CAPN9: variants seen among roughly 807,000 people sequenced by gnomAD.
CAPN9 encodes calpain 9.
A neutral mutation model predicts 92.8 loss-of-function variants in CAPN9; 81 were observed. The ratio of observed to expected loss-of-function variants is 0.87; its 90% CI spans 0.73 to 1.05. The LOEUF is 1.05. Ranked by LOEUF, CAPN9 falls within the 50% of genes least tolerant of loss-of-function variation. CAPN9 has a pLI of 0.00. For missense variants in CAPN9, 848 were observed against 866.2 expected, an observed-to-expected ratio of 0.98 and a Z score of 0.26; for synonymous variants, 304 against 328.0, an observed-to-expected ratio of 0.93 and a Z score of 0.79.
intron 12 of CAPN9, among the ~76,000 whole-genome samples, chr1:230,787,215 G>A (rs1212770767): frequency 6.6e-6 from 1 of 152,216 alleles, no homozygotes; most frequent in Non-Finnish European, 1.5e-5. Context: ...TAAGCCAGAG[G>A]AAGGGCAGGA....
chr1:230,792,744 G>A (rs1350963480), intron 16 of CAPN9, 106 bp from the exon 17 acceptor site: 39 of 942,648 alleles, frequency 4.1e-5, no homozygotes, highest in Non-Finnish European at 5.4e-5. Context: ...TGGCCTCTGC[G>A]GCCCCTAGAG....
At chr1:230,795,525 T>C in intron 18 of CAPN9, 1 of 431,912 alleles carries the variant, frequency 2.3e-6, no homozygotes. Flanking sequence ...GGGAGGATGA[T>C]GGGCTGGGGC....
chr1:230,781,980 G>A (rs961529038), intron 11 of CAPN9, among the ~76,000 whole-genome samples: 1 of 152,154 alleles, frequency 6.6e-6, no homozygotes, highest in Non-Finnish European at 1.5e-5. Flanking sequence ...CCAGATACTA[G>A]TACAAGATGG....
At chr1:230,774,708 C>A in intron 8 of CAPN9, 77 bp downstream of exon 8, 2 of 858,376 alleles carry the variant, frequency 2.3e-6, no homozygotes, top group Non-Finnish European at 3.9e-6. Context: ...CACTGTGCTT[C>A]TCTCTCGCTT....
intron 11 of CAPN9, among the ~76,000 whole-genome samples, 185 bp downstream of exon 11, chr1:230,780,893 T>G (rs2102898821): frequency 6.6e-6 from 1 of 152,092 alleles, no homozygotes; most frequent in Admixed American, 6.6e-5. Flanking sequence ...GAAATGAAGT[T>G]TCACTCTTGT....
At chr1:230,801,137 G>T (rs1668702562) in intron 19 of CAPN9, among the ~76,000 whole-genome samples, 1 of 152,134 alleles carries the variant, frequency 6.6e-6, no homozygotes, top group Non-Finnish European at 1.5e-5. Context: ...CAGCTCACTT[G>T]TAACACCCCC....
At chr1:230,786,747 A>C (rs571629058) in intron 12 of CAPN9, among the ~76,000 whole-genome samples, 1 of 144,946 alleles carries the variant, frequency 6.9e-6, no homozygotes. Flanking sequence ...CCGCTTCTGA[A>C]GTGGGTAGAC....
At chr1:230,785,847 T>C in intron 11 of CAPN9, 134 bp from the exon 12 acceptor site, 2 of 839,580 alleles carry the variant, frequency 2.4e-6, no homozygotes, top group Admixed American at 1.9e-5. Context: ...GCAAACTCTG[T>C]GAAATGTAAA....
At position 230,755,345 on chromosome 1, in the gene CAPN9, G is replaced by A. The variant is rs1036980605; in HGVS notation, c.222G>A (p.Val74=). 1.2e-6 allele frequency: 2 copies of A among 1,609,870 alleles called. No homozygotes were observed. Among genetic ancestry groups the A allele is most frequent in the Admixed American group, 1.7e-5 (1 of 59,460 alleles). The change falls in exon 2 of 20, where the codon GTG becomes GTA. Residue 74 remains valine (V), a synonymous_variant. Transcript: ENST00000271971. ...PFVWKRPGEI[V]KNPEFILGGA... ...CACTCTCATTCCTCCAGGAAATCGT[G>A]AAAAACCCAGAATTCATTCTTGGAG... is the stretch of plus-strand genomic sequence containing the variant.
At chr1:230,771,984 T>C in intron 6 of CAPN9, 30 bp from the exon 7 acceptor site, 1 of 1,591,554 alleles carries the variant, frequency 6.3e-7, no homozygotes, top group African/African-American at 1.3e-5. Context: ...ATTTATCATT[T>C]CACACTTCCC....
At position 230,762,094 on chromosome 1, in the gene CAPN9, C is replaced by G. The variant is rs542871241; in HGVS notation, c.403-559C>G. Among the ~76,000 whole-genome samples the G allele has an allele frequency of 3.5e-4, 53 of 152,344 alleles. 2 individuals carry two copies. Among genetic ancestry groups the G allele is most frequent in the African/African-American group, 1.1e-3 (46 of 41,588 alleles). ...ACATGCATTCACACACACCCACACT[C>G]CACTCATGTCTCCTCACTGGCACGC... On this transcript the variant is annotated intron_variant, in intron 3 of 19. Transcript: ENST00000271971.
rs780217323 is a variant in CAPN9 at position 230,767,669 on chromosome 1, A to C, written c.665A>C (p.Lys222Thr). The change falls in exon 5 of 20, where the codon AAG (lysine) becomes ACG (threonine). Residue 222 changes from lysine (K) to threonine (T), a missense_variant. By Grantham distance (78) the Lys-to-Thr change is moderately conservative. Coordinates refer to ENST00000271971, the MANE Select transcript of CAPN9 (RefSeq NM_006615.3). ...APENFYEILE[K>T]ALKRGSLLGC... ...GAGAACTTCTATGAGATTCTAGAGA[A>C]GGCTTTGAAGAGAGGCTCCCTGCTG... The C allele has an allele frequency of 1.9e-6, 3 of 1,613,432 alleles. No homozygotes were observed. The highest frequency in any genetic ancestry group is 2.5e-6 in the Non-Finnish European group (3 of 1,179,856).
Position 230,801,697 on chromosome 1 carries a change from C to G in CAPN9, c.*101C>G. 1 of 1,045,234 alleles carries G rather than the reference C, an allele frequency of 9.6e-7. No homozygotes were observed. The highest frequency in any genetic ancestry group is 1.3e-5 in the South Asian group (1 of 79,548). 64.7% of individuals were successfully genotyped at this position (1,045,234 alleles called of 1,614,324 possible). A position where few individuals can be genotyped will look rare whatever the true frequency, so the allele number is the denominator to read the frequency against. ...GTGGAACCATTACGCCCAGGGTTCACTCCCCTCTCATCGTCCGGCCTTCTC... is the reference window on the plus strand; with the variant it reads ...GTGGAACCATTACGCCCAGGGTTCAGTCCCCTCTCATCGTCCGGCCTTCTC... On this transcript the variant is annotated 3_prime_UTR_variant, in exon 20 of 20. Coordinates refer to ENST00000271971, the MANE Select transcript of CAPN9 (RefSeq NM_006615.3).
chr1:230,762,605 T>C, intron 3 of CAPN9, 48 bp from the exon 4 acceptor site: 2 of 1,600,896 alleles, frequency 1.2e-6, no homozygotes, highest in Non-Finnish European at 8.5e-7. Flanking sequence ...GGCCTGGAGC[T>C]CCCATGTAGC....
chr1:230,799,961 G>A (rs1431376551), intron 19 of CAPN9, among the ~76,000 whole-genome samples: 2 of 151,770 alleles, frequency 1.3e-5, no homozygotes, highest in Non-Finnish European at 1.5e-5. Context: ...GGTGAATCAC[G>A]AGGTCAGGAG....
intron 7 of CAPN9, 113 bp from the exon 8 acceptor site, chr1:230,774,441 G>A (rs912680647): frequency 5.4e-6 from 4 of 736,050 alleles, no homozygotes; most frequent in Non-Finnish European, 9.7e-6. Flanking sequence ...CCAGTGAGTA[G>A]TTACTAAGCA....
intron 3 of CAPN9, among the ~76,000 whole-genome samples, chr1:230,760,213 G>C (rs145567509): frequency 1.3e-5 from 2 of 152,042 alleles, no homozygotes; most frequent in Non-Finnish European, 2.9e-5. Flanking sequence ...TCCTTATATA[G>C]GGTTCGACCA....
chr1:230,790,398 G>A (rs1055858234), intron 14 of CAPN9: 1 of 783,916 alleles, frequency 1.3e-6, no homozygotes, highest in African/African-American at 1.9e-5. Flanking sequence ...ATGCAGAAAA[G>A]CCTAATGACA....
Position 230,780,081 on chromosome 1 carries a change from C to CGTGTGT in CAPN9, c.1115-62_1115-57dup, listed in dbSNP as rs59033537. 302 of 647,016 alleles carry CGTGTGT rather than the reference C, an allele frequency of 4.7e-4. 1 individual carries two copies. Among genetic ancestry groups the CGTGTGT allele is most frequent in the African/African-American group, 2.1e-3 (111 of 52,392 alleles). 40.1% of individuals were successfully genotyped at this position (647,016 alleles called of 1,614,324 possible). On this transcript the variant is annotated intron_variant, in intron 9 of 19. Coordinates refer to ENST00000271971, the MANE Select transcript of CAPN9 (RefSeq NM_006615.3). ...TAATGAGGGCAGATAGGTGTATGTG[C>CGTGTGT]GTGTGTGTGTGTGTGTGTGTGTGTG...
Sources: gnomAD v4.1 joint callset for allele counts (sites outside exome capture counted in the v4.1 genomes callset) on GRCh38, gnomAD v4.1.1 for gene constraint, MANE v1.5 for transcripts, NCBI Gene and HGNC (gene_info 2026-07-23, HGNC 2026-07-21) for gene names.